The following GRIP1 variants were observed in gnomAD, a reference collection of about 807,000 sequenced individuals.
GRIP1 encodes the protein glutamate receptor-interacting protein 1.
In GRIP1, 45 loss-of-function variants were observed where a neutral mutation model predicts 129.9. The observed-to-expected ratio is 0.35, with a 90% CI of 0.27 to 0.44. The LOEUF (loss-of-function observed/expected upper bound fraction) is 0.44. Among genes scored for constraint, GRIP1 ranks in the 20% least tolerant of loss-of-function variants. GRIP1 has a pLI of 1.00. For synonymous variants in GRIP1, 530 were observed against 520.8 expected (o/e 1.02, Z -0.24); for missense variants, 1,196 against 1,396.8 (o/e 0.86, Z 2.29).
chr12:66,569,282 G>A (rs2062872516), intron 2 of GRIP1: 1 of 167,322 alleles, frequency 6.0e-6, no homozygotes. Flanking sequence ...TTCAAGACCA[G>A]CCTGGCCAAG....
At chr12:66,878,895 G>T (rs570403964) in intron 1 of GRIP1, among the ~76,000 whole-genome samples, 4 of 152,076 alleles carry the variant, frequency 2.6e-5, no homozygotes, top group South Asian at 4.2e-4. Flanking sequence ...CAGCTTGTAG[G>T]AGGTGAGAAT....
intron 1 of GRIP1, among the ~76,000 whole-genome samples, chr12:67,056,939 T>C (rs1171507241): frequency 6.6e-6 from 1 of 152,128 alleles, no homozygotes; most frequent in Non-Finnish European, 1.5e-5. Context: ...ATCTCCCAAG[T>C]AGCTGGTATT....
intron 1 of GRIP1, among the ~76,000 whole-genome samples, chr12:66,938,741 C>G (rs7135795): frequency 0.49 from 74,168 of 151,804 alleles, 19,372 homozygotes; most frequent in African/African-American, 0.69. Flanking sequence ...GGCAGATCAC[C>G]AGGTCAGGAG....
chr12:66,740,752 A>T (rs1741790327), intron 1 of GRIP1, among the ~76,000 whole-genome samples: 1 of 152,130 alleles, frequency 6.6e-6, no homozygotes, highest in Non-Finnish European at 1.5e-5. Flanking sequence ...ACAACAACTC[A>T]TGAATATATA....
chr12:66,978,252 A>G (rs1180482055), intron 1 of GRIP1, among the ~76,000 whole-genome samples: 6 of 152,168 alleles, frequency 3.9e-5, no homozygotes, highest in Non-Finnish European at 8.8e-5. Flanking sequence ...CGTAAAGTGC[A>G]TAGTCACACA....
rs1407909034 is a variant in GRIP1, at chr12:66,371,751, T to C, written c.2955A>G (p.Arg985=). The change falls in exon 23 of 25, where the codon AGA becomes AGG. Residue 985 remains arginine, a synonymous_variant. Coordinates refer to ENST00000359742, the MANE Select transcript of GRIP1 (RefSeq NM_001366722.1). Reference sequence around the variant, plus strand: ...TCTCCTTTATTTCTTGTTTCATTTTTCTCAGGGTTACTGACTTCCTACCCA... The same window carrying C: ...TCTCCTTTATTTCTTGTTTCATTTTCCTCAGGGTTACTGACTTCCTACCCA... ...SDVGRKSVTL[R]KMKQEIKEIM... is the part of the protein sequence containing the mutation. 1 of 1,614,142 alleles carries C rather than the reference T, an allele frequency of 6.2e-7. No individual in the cohort carries two copies. Among genetic ancestry groups the C allele is most frequent in the Non-Finnish European group, 8.5e-7 (1 of 1,179,980 alleles).
At chr12:66,789,060 A>G (rs577538823) in intron 1 of GRIP1, among the ~76,000 whole-genome samples, 2 of 152,308 alleles carry the variant, frequency 1.3e-5, no homozygotes, top group South Asian at 4.1e-4. Context: ...CTTTATTTTT[A>G]GGACTTTAAA....
upstream of GRIP1, among the ~76,000 whole-genome samples, chr12:66,808,481 G>T (rs1275393775): frequency 6.6e-6 from 1 of 151,768 alleles, no homozygotes; most frequent in Non-Finnish European, 1.5e-5. Context: ...TGTTTTGTTT[G>T]TTTGTTTGTT....
At chr12:66,708,139 C>CA (rs2035596130) in intron 1 of GRIP1, among the ~76,000 whole-genome samples, 1 of 151,984 alleles carries the variant, frequency 6.6e-6, no homozygotes, top group African/African-American at 2.4e-5. Flanking sequence ...CATAAAATCT[C>CA]AGTGCTCTCC....
chr12:66,841,242 C>T (rs2137048787), intron 1 of GRIP1, among the ~76,000 whole-genome samples: 1 of 152,254 alleles, frequency 6.6e-6, no homozygotes, highest in East Asian at 1.9e-4. Context: ...TTTGTTTCCT[C>T]TTCCCTTTCT....
intron 1 of GRIP1, among the ~76,000 whole-genome samples, chr12:66,875,952 T>C (rs1237648433): frequency 2.0e-5 from 3 of 152,188 alleles, no homozygotes; most frequent in South Asian, 4.1e-4. Context: ...AGTGGTACAA[T>C]TAAATTTAGT....
chr12:66,455,477 A>C lies in GRIP1; in HGVS notation c.1286T>G (p.Leu429Arg), dbSNP rs775890520. The change falls in exon 11 of 25, where the codon CTC becomes CGC. Residue 429 changes from leucine (L) to arginine (R), a missense_variant. Leu to Arg is a moderately radical substitution (Grantham distance 102, BLOSUM62 -2). Coordinates refer to ENST00000359742, the MANE Select transcript of GRIP1 (RefSeq NM_001366722.1). Reference sequence around the variant, plus strand: ...GGTTCCACGTGGGCTGGTGGAGTAGAGGCTTCGAGGTAGAGTCCCCATGTT... The same window carrying C: ...GGTTCCACGTGGGCTGGTGGAGTAGCGGCTTCGAGGTAGAGTCCCCATGTT... Reference protein sequence around the residue: ...SLNMGTLPRSLYSTSPRGTMM... With the variant: ...SLNMGTLPRSRYSTSPRGTMM... 1.9e-6 allele frequency: 3 copies of C among 1,613,846 alleles called. No homozygotes were observed. The highest frequency in any genetic ancestry group is 2.5e-6 in the Non-Finnish European group (3 of 1,179,764).
chr12:66,909,166 C>T (rs2040987759), intron 1 of GRIP1, among the ~76,000 whole-genome samples: 1 of 152,076 alleles, frequency 6.6e-6, no homozygotes, highest in Non-Finnish European at 1.5e-5. Context: ...TCATTCATGT[C>T]TTTGTTTTGC....
chr12:66,475,121 G>C (rs1050146542), intron 7 of GRIP1, among the ~76,000 whole-genome samples: 3 of 152,116 alleles, frequency 2.0e-5, no homozygotes, highest in African/African-American at 7.2e-5. Flanking sequence ...TCAAAATAAA[G>C]GGATGGAGGA....
intron 1 of GRIP1, among the ~76,000 whole-genome samples, chr12:66,699,001 C>T (rs973835494): frequency 2.0e-5 from 3 of 152,108 alleles, no homozygotes; most frequent in Non-Finnish European, 4.4e-5. Flanking sequence ...CCAGCTGTTG[C>T]TACCATTACT....
intron 1 of GRIP1, among the ~76,000 whole-genome samples, chr12:66,822,726 T>C (rs191497669): frequency 6.6e-6 from 1 of 152,252 alleles, no homozygotes; most frequent in East Asian, 1.9e-4. Context: ...TGGAGGCCAT[T>C]ATCTTAAGCA....
intron 19 of GRIP1, among the ~76,000 whole-genome samples, chr12:66,389,871 C>A (rs1324745117): frequency 3.3e-5 from 5 of 152,136 alleles, no homozygotes; most frequent in Non-Finnish European, 1.5e-5. Context: ...GATACAGATA[C>A]TCGTCAGTAA....
chr12:66,562,764 T>C (rs922926079), intron 2 of GRIP1, among the ~76,000 whole-genome samples: 7 of 152,102 alleles, frequency 4.6e-5, no homozygotes, highest in African/African-American at 1.7e-4. Flanking sequence ...CAGTTGAAAA[T>C]CCACATGTAA....
chr12:66,405,222 C>T (rs1166606366), intron 16 of GRIP1, among the ~76,000 whole-genome samples: 5 of 152,040 alleles, frequency 3.3e-5, no homozygotes, highest in Non-Finnish European at 5.9e-5. Flanking sequence ...ATTGTGGATA[C>T]GGTTTAGGCA....
Sources: gnomAD v4.1 joint callset for allele counts (sites outside exome capture counted in the v4.1 genomes callset) on GRCh38, gnomAD v4.1.1 for gene constraint, MANE v1.5 for transcripts, NCBI Gene and HGNC (gene_info 2026-07-23, HGNC 2026-07-21) for gene names.